The following SH3GL2 variants were observed in gnomAD, a reference collection of about 807,000 sequenced individuals.
The protein encoded by SH3GL2 is SH3 domain containing GRB2 like 2, endophilin A1.
SH3GL2 carries 24 observed loss-of-function variants against 46.0 expected under a neutral mutation model. That is an observed-to-expected ratio of 0.52 (90% CI 0.38 to 0.73). The LOEUF (loss-of-function observed/expected upper bound fraction) is 0.73, where lower values mean the gene tolerates loss of function less well. SH3GL2 is among the 30% of genes least tolerant of loss of function. SH3GL2 has a pLI of 0.00. For missense variants in SH3GL2, 413 were observed against 424.2 expected, an observed-to-expected ratio of 0.97 and a Z score of 0.23; for synonymous variants, 196 against 147.1, an observed-to-expected ratio of 1.33 and a Z score of -2.40.
chr9:17,704,078 A>T (rs1821405410), intron 1 of SH3GL2, among the ~76,000 whole-genome samples: 2 of 151,460 alleles, frequency 1.3e-5, no homozygotes, highest in Admixed American at 1.3e-4. Flanking sequence ...GATCTGATAA[A>T]TAACTTCAGT....
At chr9:17,759,189 C>T (rs1366456753) in intron 2 of SH3GL2, among the ~76,000 whole-genome samples, 1 of 152,130 alleles carries the variant, frequency 6.6e-6, no homozygotes, top group Non-Finnish European at 1.5e-5. Flanking sequence ...GTAGGGAAAC[C>T]CGTGAAACTG....
At chr9:17,592,735 G>A (rs901945210) in intron 1 of SH3GL2, among the ~76,000 whole-genome samples, 9 of 151,864 alleles carry the variant, frequency 5.9e-5, no homozygotes, top group African/African-American at 2.2e-4. Flanking sequence ...TTTCCTCACA[G>A]AAAAAAAACC....
intron 3 of SH3GL2, among the ~76,000 whole-genome samples, chr9:17,778,436 C>T (rs1025093929): frequency 6.6e-6 from 1 of 151,920 alleles, no homozygotes; most frequent in African/African-American, 2.4e-5. Flanking sequence ...GTGACCGGGT[C>T]CAGGAAGTTC....
intron 1 of SH3GL2, among the ~76,000 whole-genome samples, chr9:17,603,663 C>A (rs1330759786): frequency 6.6e-6 from 1 of 152,080 alleles, no homozygotes; most frequent in African/African-American, 2.4e-5. Context: ...GGGTTCGAGA[C>A]CAGCCTGGCC....
chr9:17,621,630 C>T (rs988948964), intron 1 of SH3GL2, among the ~76,000 whole-genome samples: 34 of 152,140 alleles, frequency 2.2e-4, no homozygotes, highest in African/African-American at 7.7e-4. Context: ...CAGGATGATA[C>T]TTCAAGTTTG....
chr9:17,703,967 A>G (rs1821401890), intron 1 of SH3GL2, among the ~76,000 whole-genome samples: 1 of 152,104 alleles, frequency 6.6e-6, no homozygotes, highest in Non-Finnish European at 1.5e-5. Context: ...AGAGGTATAA[A>G]AAGCATTCAG....
chr9:17,712,018 A>G (rs891603720), intron 1 of SH3GL2, among the ~76,000 whole-genome samples: 2 of 151,772 alleles, frequency 1.3e-5, no homozygotes, highest in Non-Finnish European at 2.9e-5. Flanking sequence ...ATAGGTGTGC[A>G]GTGGTATGTA....
intron 7 of SH3GL2, 55 bp downstream of exon 7, chr9:17,791,389 T>C (rs1824125702): frequency 1.7e-6 from 2 of 1,192,278 alleles, no homozygotes; most frequent in East Asian, 4.7e-5. Context: ...TAAAATGATG[T>C]ATAAAGAAAT....
intron 1 of SH3GL2, among the ~76,000 whole-genome samples, chr9:17,731,000 A>T (rs1327420385): frequency 6.6e-6 from 1 of 152,140 alleles, no homozygotes; most frequent in African/African-American, 2.4e-5. Context: ...AGGCATGCAA[A>T]ACTTTCAGAG....
chr9:17,650,790 C>T (rs745884466), intron 1 of SH3GL2, among the ~76,000 whole-genome samples: 1 of 152,224 alleles, frequency 6.6e-6, no homozygotes, highest in Non-Finnish European at 1.5e-5. Context: ...TGAGATTGCT[C>T]ATGATAATTC....
chr9:17,647,917 C>G (rs971036919), intron 1 of SH3GL2, among the ~76,000 whole-genome samples: 1 of 152,262 alleles, frequency 6.6e-6, no homozygotes, highest in East Asian at 1.9e-4. Flanking sequence ...CCAGTCCCCC[C>G]ACCTTCCTCT....
At chr9:17,599,976 T>A (rs1347471263) in intron 1 of SH3GL2, among the ~76,000 whole-genome samples, 2 of 152,156 alleles carry the variant, frequency 1.3e-5, no homozygotes, top group Non-Finnish European at 2.9e-5. Context: ...TTATTTTGCT[T>A]ATGAAATATA....
At chr9:17,683,480 C>T (rs1820826585) in intron 1 of SH3GL2, among the ~76,000 whole-genome samples, 1 of 152,000 alleles carries the variant, frequency 6.6e-6, no homozygotes, top group Non-Finnish European at 1.5e-5. Context: ...GGGAAAGGAA[C>T]AGGAAAATTG....
chr9:17,690,673 A>G (rs1241251553), intron 1 of SH3GL2, among the ~76,000 whole-genome samples: 6 of 152,078 alleles, frequency 3.9e-5, no homozygotes, highest in Non-Finnish European at 7.4e-5. Flanking sequence ...CTAATGGGAG[A>G]ATTACTCTCT....
intron 1 of SH3GL2, among the ~76,000 whole-genome samples, chr9:17,715,811 A>T (rs545831226): frequency 7.9e-5 from 12 of 152,188 alleles, no homozygotes; most frequent in African/African-American, 2.6e-4. Flanking sequence ...AGCTTAGCCT[A>T]GCCTACCTTA....
chr9:17,663,019 A>G (rs1820261691), intron 1 of SH3GL2, among the ~76,000 whole-genome samples: 1 of 152,150 alleles, frequency 6.6e-6, no homozygotes, highest in Admixed American at 6.6e-5. Context: ...GTCCTTTTTA[A>G]ATAAACCTCT....
intron 1 of SH3GL2, 150 bp downstream of exon 1, chr9:17,579,437 G>T: frequency 5.2e-6 from 2 of 385,956 alleles, no homozygotes; most frequent in Non-Finnish European, 4.4e-6. Context: ...CAAGGCGGCG[G>T]CTCGGGGCAT....
At chr9:17,669,053 C>A (rs753115637) in intron 1 of SH3GL2, among the ~76,000 whole-genome samples, 17 of 152,152 alleles carry the variant, frequency 1.1e-4, no homozygotes, top group Non-Finnish European at 2.1e-4. Context: ...TATTTTTGGA[C>A]TTCAAAGTCC....
chr9:17,751,397 T>G (rs898983152), intron 2 of SH3GL2, among the ~76,000 whole-genome samples: 2 of 152,044 alleles, frequency 1.3e-5, no homozygotes, highest in Non-Finnish European at 2.9e-5. Flanking sequence ...GTAGAAACCA[T>G]GGGGAGATAG....
Sources: allele counts gnomAD v4.1 joint callset (sites outside exome capture counted in the v4.1 genomes callset), GRCh38; gene constraint gnomAD v4.1.1; transcripts MANE v1.5; gene names NCBI Gene and HGNC (gene_info 2026-07-23, HGNC 2026-07-21).